The following DEAF1 variants were observed in gnomAD, a reference collection of about 807,000 sequenced individuals.
DEAF1 encodes the protein deformed epidermal autoregulatory factor 1 homolog.
DEAF1 carries 53 observed loss-of-function variants against 58.9 expected under a neutral mutation model. That is an observed-to-expected ratio of 0.90 (90% CI 0.72 to 1.13). The LOEUF (loss-of-function observed/expected upper bound fraction) is 1.13, where lower values mean the gene tolerates loss of function less well. Ranked by LOEUF, DEAF1 falls within the 50% of genes most tolerant of loss-of-function variation. The pLI is 0.00. For missense variants in DEAF1, 685 were observed against 791.4 expected (o/e 0.87, Z 1.61); for synonymous variants, 385 against 340.4 (o/e 1.13, Z -1.44).
At chr11:697,533 A>C (rs1282915672), upstream of DEAF1, 2 of 152,224 alleles carry the variant, frequency 1.3e-5, no homozygotes, top group Admixed American at 6.5e-5. Context: ...ACATCACTTA[A>C]GGCTTTTATA....
intron 5 of DEAF1, among the ~76,000 whole-genome samples, chr11:685,781 C>T (rs997189411): frequency 7.3e-5 from 11 of 150,970 alleles, no homozygotes; most frequent in Admixed American, 2.0e-4. Flanking sequence ...TTTGGGAGGC[C>T]GAGGCGGGTG....
rs868449291 is a variant in DEAF1, at chr11:681,092, G to A, written c.871-3C>T. ...ACAAAAAGCCTGACTGGGCCACTCT[G>A]GGGGAGAAAGGAGAGAGGCCACCAC... On this transcript the variant is annotated splice_polypyrimidine_tract_variant and splice_region_variant and intron_variant, in intron 6 of 11. Transcript: ENST00000382409. 7 of 1,613,932 alleles carry A rather than the reference G, an allele frequency of 4.3e-6. No individual in the cohort carries two copies. The highest frequency in any genetic ancestry group is 2.2e-5 in the South Asian group (2 of 91,070).
At chr11:682,436 C>G (rs2133388207) in intron 6 of DEAF1, among the ~76,000 whole-genome samples, 1 of 152,332 alleles carries the variant, frequency 6.6e-6, no homozygotes, top group East Asian at 1.9e-4. Flanking sequence ...CTGCTGGCCT[C>G]CTCTTAACTG....
intron 10 of DEAF1, chr11:654,645 C>T (rs937555820): frequency 2.0e-5 from 9 of 454,742 alleles, no homozygotes; most frequent in South Asian, 9.3e-5. Context: ...GCAGCCGAGG[C>T]GGGTGGATCA....
upstream of DEAF1, among the ~76,000 whole-genome samples, chr11:696,638 C>A (rs1378604902): frequency 1.4e-4 from 4 of 29,222 alleles, no homozygotes; most frequent in East Asian, 3.4e-3. Flanking sequence ...CGGTGGCGCA[C>A]CCCTGTGGGC....
chr11:679,314 C>CAA (rs35318035), intron 8 of DEAF1, among the ~76,000 whole-genome samples: 44 of 142,852 alleles, frequency 3.1e-4, no homozygotes, highest in Admixed American at 4.9e-4. Flanking sequence ...GACTCCACCT[C>CAA]AAAAAAAAAA....
Position 648,791 on chromosome 11 carries a change from T to C in DEAF1, c.1594-4137A>G, listed in dbSNP as rs150239791. 5.6e-4 allele frequency among the ~76,000 whole-genome samples: 85 copies of C among 152,284 alleles called. No individual in the cohort carries two copies. In the East Asian group the frequency reaches 0.016, roughly 28 times the overall value. On this transcript the variant is annotated intron_variant, in intron 11 of 11. Transcript: ENST00000382409. ...AGTAAGAAAATAACAACTTTAAAGATACTGTTTAAAAATGTTCAACAAAAG... is the reference window on the plus strand; with the variant it reads ...AGTAAGAAAATAACAACTTTAAAGACACTGTTTAAAAATGTTCAACAAAAG...
chr11:681,179 G>A (rs1024610048), intron 6 of DEAF1, 90 bp from the exon 7 acceptor site: 5 of 1,570,678 alleles, frequency 3.2e-6, no homozygotes, highest in Non-Finnish European at 3.5e-6. Context: ...GCACCGCGGG[G>A]TGTGTGAGTC....
rs764182783 is a variant in DEAF1 at position 674,689 on chromosome 11, C to A, written c.1350G>T (p.Pro450=). ...TCTCTTCTAGGTACAGCCAGCTCCG[C>A]GGCTCTGACAGCTCCAGCCCATTGA... ...ALVNGLELSE[P]RSWLYLEEMV... The change falls in exon 10 of 12, where the codon CCG becomes CCT. Residue 450 remains proline, a synonymous_variant. Coordinates refer to ENST00000382409, the MANE Select transcript of DEAF1 (RefSeq NM_021008.4). 6 of 1,613,986 alleles carry A rather than the reference C, an allele frequency of 3.7e-6. No individual in the cohort carries two copies. Among genetic ancestry groups the A allele is most frequent in the Non-Finnish European group, 5.1e-6 (6 of 1,180,034 alleles).
At chr11:701,599 T>C (rs142116202) in intron 1 of DEAF1, among the ~76,000 whole-genome samples, 11,615 of 151,706 alleles carry the variant, frequency 0.077, 561 homozygotes, top group African/African-American at 0.13. Context: ...TTAGTAGAGA[T>C]GGGGTTTCAC....
In DEAF1 at chr11:688,509, G is replaced by T; in HGVS notation, c.388-49C>A. 6.2e-7 allele frequency: 1 copy of T among 1,610,656 alleles called. No individual in the cohort carries two copies. The highest frequency in any genetic ancestry group is 8.5e-7 in the Non-Finnish European group (1 of 1,179,338). ...AGGTCACGTCCGAGAGTGACACCAGGCGTGTCACTGAGCCCAGCTGGGCCG... is the reference window on the plus strand; with the variant it reads ...AGGTCACGTCCGAGAGTGACACCAGTCGTGTCACTGAGCCCAGCTGGGCCG... On this transcript the variant is annotated intron_variant, in intron 2 of 11. Coordinates refer to ENST00000382409, the MANE Select transcript of DEAF1 (RefSeq NM_021008.4). This position sits in a 1 kb window ranked among gnomAD's most constrained non-coding sequence, Gnocchi z 4.3.
At chr11:655,170 G>T (rs1041914131) in intron 10 of DEAF1, among the ~76,000 whole-genome samples, 1 of 152,056 alleles carries the variant, frequency 6.6e-6, no homozygotes, top group Non-Finnish European at 1.5e-5. Flanking sequence ...GGAGTCCACC[G>T]CTCCCAACAC....
At chr11:681,635 C>T (rs1012029602) in intron 6 of DEAF1, among the ~76,000 whole-genome samples, 3 of 152,084 alleles carry the variant, frequency 2.0e-5, no homozygotes, top group Non-Finnish European at 4.4e-5. Context: ...TGGTCTCGTT[C>T]TCCTGACCTC....
In DEAF1 at chr11:679,796, G is replaced by T; in HGVS notation, c.1018C>A (p.Gln340Lys). ...ATTFTVTPSG[Q>K]ITTSGALTFD... ...GTCAGTGCCCCCGAGGTCGTGATCT[G>T]TCCCGAGGGGGTCACGGTGACTGGA... The change falls in exon 8 of 12, where the codon CAG (glutamine) becomes AAG (lysine). Residue 340 changes from glutamine to lysine, a missense_variant. By Grantham distance (53) the Gln-to-Lys change is moderately conservative. Around this residue, in one of 3 missense-constraint regions of DEAF1, gnomAD observed 343 missense variants for 379.8 expected, o/e 0.90. Transcript: ENST00000382409. The T allele has an allele frequency of 2.5e-6, 4 of 1,613,804 alleles. No individual in the cohort carries two copies. Among genetic ancestry groups the T allele is most frequent in the Non-Finnish European group, 3.4e-6 (4 of 1,180,048 alleles).
Position 695,036 on chromosome 11 carries a change from C to G in DEAF1, c.12G>C (p.Ser4=), listed in dbSNP as rs1348299168. 1 of 1,429,348 alleles carries G rather than the reference C, an allele frequency of 7.0e-7. No individual in the cohort carries two copies. The highest frequency in any genetic ancestry group is 9.2e-7 in the Non-Finnish European group (1 of 1,091,210). 88.5% of individuals were successfully genotyped at this position (1,429,348 alleles called of 1,614,324 possible). Residue 4 remains serine (S), a synonymous_variant, in exon 1 of 12, where the codon TCG becomes TCC. Transcript: ENST00000382409. ...GGCCCAGCTGCTTTGCCGCCGAGTC[C>G]GAGTCCTCCATCCGGACTCCGCCGA... MED[S]DSAAKQLGLA...
intron 11 of DEAF1, 42 bp downstream of exon 11, chr11:653,920 G>A (rs775404393): frequency 6.3e-7 from 1 of 1,580,882 alleles, no homozygotes; most frequent in Non-Finnish European, 8.7e-7. Flanking sequence ...TCGTAGCGAG[G>A]GAGGAGGCGG....
At chr11:696,070 C>T (rs527923073), upstream of DEAF1, among the ~76,000 whole-genome samples, 10 of 152,070 alleles carry the variant, frequency 6.6e-5, 1 homozygote, top group Middle Eastern at 3.4e-3. Context: ...GCGCCTGGCC[C>T]CGGGCAGGGT....
intron 10 of DEAF1, among the ~76,000 whole-genome samples, chr11:655,724 A>G (rs1032647283): frequency 1.4e-5 from 2 of 146,716 alleles, no homozygotes; most frequent in Admixed American, 6.7e-5. Context: ...TTCCAGTTGT[A>G]AGACATTCAG....
intron 10 of DEAF1, among the ~76,000 whole-genome samples, chr11:673,586 G>C (rs953156596): frequency 2.0e-5 from 3 of 152,172 alleles, no homozygotes; most frequent in South Asian, 4.1e-4. Flanking sequence ...TTCTTACATA[G>C]ATTTGGTGGG....
Sources: allele counts gnomAD v4.1 joint callset (sites outside exome capture counted in the v4.1 genomes callset), GRCh38; gene constraint gnomAD v4.1.1; regional missense constraint gnomAD v4.1.1; non-coding constraint Gnocchi (gnomAD v3.1); transcripts MANE v1.5; gene names NCBI Gene and HGNC (gene_info 2026-07-23, HGNC 2026-07-21).